ATG2B: variants seen among roughly 807,000 people sequenced by gnomAD.
ATG2B encodes autophagy-related protein 2 homolog B.
A neutral mutation model predicts 241.3 loss-of-function variants in ATG2B; 121 were observed. That is an observed-to-expected ratio of 0.50 (90% confidence interval 0.43 to 0.58). The LOEUF (loss-of-function observed/expected upper bound fraction) is 0.58, where lower values mean the gene tolerates loss of function less well. Among genes scored for constraint, ATG2B ranks in the 20% least tolerant of loss-of-function variants. The pLI is 0.00. For missense variants in ATG2B, 2,306 were observed against 2,491.6 expected (o/e 0.93, Z 1.59); for synonymous variants, 858 against 876.6 (o/e 0.98, Z 0.37).
Position 96,289,445 on chromosome 14 carries a change from C to T in ATG2B, c.6006+211G>A. ...TGAAGAGAGAGAATCCATCCACCCA[C>T]GCAATCACTAGTATTCCTGTCAGCC... On this transcript the variant is annotated intron_variant, in intron 41 of 41. Transcript: ENST00000359933. This position sits in a 1 kb window ranked among gnomAD's most constrained non-coding sequence, Gnocchi z 4.3. The T allele has an allele frequency of 6.2e-6, 3 of 487,132 alleles. No individual in the cohort carries two copies. Among genetic ancestry groups the T allele is most frequent in the South Asian group, 3.2e-5 (1 of 31,718 alleles). The allele number at this position is 487,132 out of a possible 1,614,324, so 30.2% of individuals were successfully genotyped here. A position where few individuals can be genotyped will look rare whatever the true frequency, so the allele number is the denominator to read the frequency against.
chr14:96,305,271 C>T (rs1886907375), intron 31 of ATG2B, among the ~76,000 whole-genome samples: 1 of 152,138 alleles, frequency 6.6e-6, no homozygotes, highest in South Asian at 2.1e-4. Flanking sequence ...TTTCACTGCC[C>T]TCTGTCACTC....
intron 4 of ATG2B, among the ~76,000 whole-genome samples, chr14:96,344,202 T>C (rs1888114472): frequency 6.6e-6 from 1 of 152,218 alleles, no homozygotes; most frequent in Non-Finnish European, 1.5e-5. Flanking sequence ...AACCTTAAAA[T>C]AATCCGTAGA....
Position 96,316,683 on chromosome 14 carries a change from G to T in ATG2B, c.3211C>A (p.Gln1071Lys). The change falls in exon 21 of 42, where the codon CAA becomes AAA. Residue 1071 changes from glutamine to lysine, a missense_variant and splice_region_variant. Transcript: ENST00000359933. ...GLIAVFTDVK[Q>K]DNGDLLENKH... ...TTTTCCAACAGATCTCCATTATCTT[G>T]CTAGTAAAAAGATCAGAAAAACACA... 6.2e-7 allele frequency: 1 copy of T among 1,601,488 alleles called. No homozygotes were observed. Among genetic ancestry groups the T allele is most frequent in the South Asian group, 1.1e-5 (1 of 88,336 alleles).
At position 96,282,809 on chromosome 14, in the gene ATG2B, A is replaced by G. The variant is rs1318872660; in HGVS notation, c.*2946T>C. The G allele has an allele frequency of 6.6e-6, 1 of 152,252 alleles. No individual in the cohort carries two copies. Among genetic ancestry groups the G allele is most frequent in the African/African-American group, 2.4e-5 (1 of 41,468 alleles). The allele number at this position is 152,252 out of a possible 1,614,324, so 9.4% of individuals were successfully genotyped here. On this transcript the variant is annotated 3_prime_UTR_variant, in exon 42 of 42. Transcript: ENST00000359933. Reference sequence around the variant, plus strand: ...AAAAGTAATGCCCTAAAAGCCAGAAATATTTCAATCGGCTTGAAAAGTGAC... The same window carrying G: ...AAAAGTAATGCCCTAAAAGCCAGAAGTATTTCAATCGGCTTGAAAAGTGAC...
At chr14:96,319,157 A>T (rs1887394878) in intron 18 of ATG2B, among the ~76,000 whole-genome samples, 2 of 152,220 alleles carry the variant, frequency 1.3e-5, no homozygotes, top group African/African-American at 4.8e-5. Context: ...CTGAAGTCCT[A>T]GAAGGTGTAC....
At chr14:96,362,399 A>T (rs1459957748) in intron 1 of ATG2B, among the ~76,000 whole-genome samples, 1 of 152,192 alleles carries the variant, frequency 6.6e-6, no homozygotes, top group African/African-American at 2.4e-5. Context: ...ATAACTAGGG[A>T]TTCTGACATC....
intron 41 of ATG2B, among the ~76,000 whole-genome samples, chr14:96,287,300 A>G (rs1886365387): frequency 6.6e-6 from 1 of 151,864 alleles, no homozygotes; most frequent in Admixed American, 6.6e-5. Flanking sequence ...CAAAGAAATA[A>G]TAAGTACTAC....
intron 1 of ATG2B, among the ~76,000 whole-genome samples, chr14:96,354,186 AC>A: frequency 2.0e-5 from 3 of 152,320 alleles, no homozygotes; most frequent in Admixed American, 2.0e-4. Context: ...CAGGTTTGTT[AC>A]ATACGTAAAT....
In ATG2B at chr14:96,356,618, G is replaced by A. The variant is rs556861967; in HGVS notation, c.162+6197C>T. 1.1e-4 allele frequency among the ~76,000 whole-genome samples: 16 copies of A among 152,200 alleles called. No homozygotes were observed. The East Asian group carries it at 3.1e-3, about 29-fold the overall frequency. On this transcript the variant is annotated intron_variant, in intron 1 of 41. Coordinates refer to ENST00000359933, the MANE Select transcript of ATG2B (RefSeq NM_018036.7). ...CACATGTATCAGAATCTCCTAGGATGTTTATTAAAAATGCAGATTCTTGAA... is the reference window on the plus strand; with the variant it reads ...CACATGTATCAGAATCTCCTAGGATATTTATTAAAAATGCAGATTCTTGAA...
In ATG2B at chr14:96,281,997, C is replaced by G. The variant is rs1385186739; in HGVS notation, c.*3758G>C. ...AAATACTTCTGAATAAAAACATTGG[C>G]TGACTTGCAACTGTGCATATAATGT... On this transcript the variant is annotated 3_prime_UTR_variant, in exon 42 of 42. Coordinates refer to ENST00000359933, the MANE Select transcript of ATG2B (RefSeq NM_018036.7). The G allele has an allele frequency of 6.6e-6, 1 of 152,180 alleles. No individual in the cohort carries two copies. The highest frequency in any genetic ancestry group is 1.5e-5 in the Non-Finnish European group (1 of 68,032). The allele number at this position is 152,180 out of a possible 1,614,324, so 9.4% of individuals were successfully genotyped here.
intron 36 of ATG2B, among the ~76,000 whole-genome samples, chr14:96,292,384 T>G (rs1163498892): frequency 1.3e-5 from 2 of 152,160 alleles, no homozygotes; most frequent in Non-Finnish European, 2.9e-5. Flanking sequence ...AATACTAACA[T>G]AAAATGTAAT....
chr14:96,289,067 T>C lies in ATG2B; in HGVS notation c.6006+589A>G, dbSNP rs1038302155. 1.3e-5 allele frequency among the ~76,000 whole-genome samples: 2 copies of C among 152,172 alleles called. No homozygotes were observed. The highest frequency in any genetic ancestry group is 1.5e-5 in the Non-Finnish European group (1 of 68,024). ...TGAAATACCATAAAACTGTGGAAAT[T>C]AGACCTACATGGATTAAGATTAACA... On this transcript the variant is annotated intron_variant, in intron 41 of 41. Coordinates refer to ENST00000359933, the MANE Select transcript of ATG2B (RefSeq NM_018036.7). The surrounding 1 kb of genome is among the most constrained non-coding windows in gnomAD (Gnocchi z 4.3).
intron 29 of ATG2B, among the ~76,000 whole-genome samples, chr14:96,308,280 A>ATGTATATATATAT (rs1566719988): frequency 3.5e-5 from 1 of 28,642 alleles, no homozygotes; most frequent in Non-Finnish European, 7.2e-5. Context: ...ATATATATAT[A>ATGTATATATATAT]TATTTTTTTT....
At chr14:96,330,916 G>A (rs1433091315) in intron 11 of ATG2B, among the ~76,000 whole-genome samples, 3 of 152,240 alleles carry the variant, frequency 2.0e-5, no homozygotes, top group African/African-American at 7.2e-5. Context: ...TAGCATCCAA[G>A]TTTCAGGATC....
intron 14 of ATG2B, among the ~76,000 whole-genome samples, chr14:96,326,749 C>T (rs1310771294): frequency 3.3e-5 from 5 of 152,048 alleles, no homozygotes; most frequent in Admixed American, 2.6e-4. Context: ...TTTTTCGAAA[C>T]AGGTCTTGCT....
intron 1 of ATG2B, among the ~76,000 whole-genome samples, chr14:96,349,010 A>T (rs1390693875): frequency 6.6e-6 from 1 of 152,210 alleles, no homozygotes; most frequent in Non-Finnish European, 1.5e-5. Context: ...AGAGACAAGT[A>T]ATTAAAGTGT....
At chr14:96,334,000 T>C in intron 7 of ATG2B, 127 bp from the exon 8 acceptor site, 2 of 768,668 alleles carry the variant, frequency 2.6e-6, no homozygotes, top group Non-Finnish European at 4.3e-6. Flanking sequence ...CACTGCTATT[T>C]AGTGAGTCAG....
rs748141675 is a variant in ATG2B, at chr14:96,311,150, A to G, written c.4128T>C (p.Asp1376=). ...TTCTTTGAAAGGCTCCAGGCTTCATATCTGCCTTGTTAGGTGTCTGCAAGT... is the reference window on the plus strand; with the variant it reads ...TTCTTTGAAAGGCTCCAGGCTTCATGTCTGCCTTGTTAGGTGTCTGCAAGT... ...YGDLQTPNKA[D]MKPGAFQRRS... Residue 1376 remains aspartate, a synonymous_variant, in exon 28 of 42, where the codon GAT becomes GAC. Coordinates refer to ENST00000359933, the MANE Select transcript of ATG2B (RefSeq NM_018036.7). 2 of 1,613,678 alleles carry G rather than the reference A, an allele frequency of 1.2e-6. No individual in the cohort carries two copies. Among genetic ancestry groups the G allele is most frequent in the Non-Finnish European group, 1.7e-6 (2 of 1,179,760 alleles).
intron 18 of ATG2B, among the ~76,000 whole-genome samples, chr14:96,318,985 A>AG (rs1370386970): frequency 1.3e-5 from 2 of 152,212 alleles, no homozygotes; most frequent in Non-Finnish European, 2.9e-5. Flanking sequence ...GTCACATAAC[A>AG]GGCACGGACA....
Sources: allele counts gnomAD v4.1 joint callset (sites outside exome capture counted in the v4.1 genomes callset), GRCh38; gene constraint gnomAD v4.1.1; non-coding constraint Gnocchi (gnomAD v3.1); transcripts MANE v1.5; gene names NCBI Gene and HGNC (gene_info 2026-07-23, HGNC 2026-07-21).